The following DST variants were observed in gnomAD, a reference collection of about 807,000 sequenced individuals.
The protein encoded by DST is bullous pemphigoid antigen.
DST carries 253 observed loss-of-function variants against 875.2 expected under a neutral mutation model. The observed-to-expected ratio is 0.29, with a 90% confidence interval of 0.26 to 0.32. The LOEUF (loss-of-function observed/expected upper bound fraction) is 0.32, where lower values mean the gene tolerates loss of function less well. Among genes scored for constraint, DST ranks in the 10% least tolerant of loss-of-function variants. The pLI, the probability that DST is intolerant of heterozygous loss-of-function variation, is 1.00. For missense variants in DST, 8,287 were observed against 9,111.6 expected, an observed-to-expected ratio of 0.91 and a Z score of 3.68; for synonymous variants, 3,124 against 3,197.1, an observed-to-expected ratio of 0.98 and a Z score of 0.77.
At position 56,609,248 on chromosome 6, in the gene DST, C is replaced by T. The variant is rs754418207; in HGVS notation, c.5380G>A (p.Gly1794Arg). The T allele has an allele frequency of 2.5e-6, 4 of 1,613,546 alleles. No individual in the cohort carries two copies. The African/African-American group carries it at 4.0e-5, about 16-fold the overall frequency. ...AGCTGTGTCTCAAGCAACCTAATTCCTGTGTCATAGTCAATGAGGCCTCTT... is the reference window on the plus strand; with the variant it reads ...AGCTGTGTCTCAAGCAACCTAATTCTTGTGTCATAGTCAATGAGGCCTCTT... The part of the protein sequence containing the change: ...VLRGLIDYDT[G>R]IRLLETQLMI... Residue 1794 changes from glycine (G) to arginine (R), a missense_variant, in exon 40 of 104, where the codon GGA becomes AGA. By Grantham distance (125) the Gly-to-Arg change is moderately radical. Coordinates refer to ENST00000680361, the MANE Select transcript of DST (RefSeq NM_001374736.1).
chr6:56,496,961 CAAT>C (rs2095932082), intron 82 of DST, among the ~76,000 whole-genome samples: 1 of 151,598 alleles, frequency 6.6e-6, no homozygotes, highest in Admixed American at 6.6e-5. Flanking sequence ...GGGAACTGAA[CAAT>C]GAGAACACAT....
chr6:56,917,039 C>T (rs368566185), intron 2 of DST, among the ~76,000 whole-genome samples: 7 of 138,080 alleles, frequency 5.1e-5, no homozygotes, highest in East Asian at 4.5e-4. Flanking sequence ...GCTCCTAACA[C>T]ACACTGCTCG....
chr6:56,882,824 A>C (rs1390251590), intron 3 of DST, among the ~76,000 whole-genome samples: 1 of 152,186 alleles, frequency 6.6e-6, no homozygotes, highest in Non-Finnish European at 1.5e-5. Context: ...CTATCGTTTA[A>C]ATTTCAGCAA....
At chr6:56,740,815 G>C (rs2099544145) in intron 4 of DST, among the ~76,000 whole-genome samples, 1 of 151,768 alleles carries the variant, frequency 6.6e-6, no homozygotes, top group Non-Finnish European at 1.5e-5. Context: ...AGAAAACAGA[G>C]TAAATGAAAA....
chr6:56,843,861 G>A (rs1429881548), intron 4 of DST: 1 of 222,820 alleles, frequency 4.5e-6, no homozygotes, highest in Non-Finnish European at 7.6e-6. Context: ...GCAGAGCCAC[G>A]CGCCCCAGGC....
chr6:56,573,643 A>T, intron 51 of DST, 36 bp downstream of exon 51: 1 of 1,539,244 alleles, frequency 6.5e-7, no homozygotes, highest in Admixed American at 1.8e-5. Flanking sequence ...TTTTTTTAAA[A>T]AACTGAAAAT....
intron 16 of DST, 141 bp downstream of exon 16, chr6:56,642,269 C>A: frequency 1.2e-6 from 1 of 860,460 alleles, no homozygotes; most frequent in South Asian, 1.4e-5. Context: ...GAGCAAACAC[C>A]AATCATAATC....
At chr6:56,649,852 G>A (rs758662924) in intron 12 of DST, among the ~76,000 whole-genome samples, 2 of 152,226 alleles carry the variant, frequency 1.3e-5, no homozygotes, top group Non-Finnish European at 2.9e-5. Flanking sequence ...TGCCGAGGCA[G>A]TGGGAAGAAG....
intron 3 of DST, among the ~76,000 whole-genome samples, chr6:56,882,770 A>G (rs1782810856): frequency 6.6e-6 from 1 of 152,268 alleles, no homozygotes; most frequent in Non-Finnish European, 1.5e-5. Context: ...AAATCATACT[A>G]AAATGGAAGA....
At chr6:56,786,627 G>A (rs2099706110) in intron 4 of DST, among the ~76,000 whole-genome samples, 2 of 152,120 alleles carry the variant, frequency 1.3e-5, no homozygotes, top group African/African-American at 4.8e-5. Context: ...CTGCCTCCTG[G>A]GTTCAAGTGA....
chr6:56,718,957 T>A (rs1167782192), intron 5 of DST, among the ~76,000 whole-genome samples: 1 of 152,216 alleles, frequency 6.6e-6, no homozygotes. Flanking sequence ...AGGAAAATAT[T>A]CTAAAATTAG....
intron 4 of DST, among the ~76,000 whole-genome samples, chr6:56,848,285 G>T (rs1424329636): frequency 2.0e-5 from 3 of 152,132 alleles, no homozygotes; most frequent in Non-Finnish European, 4.4e-5. Context: ...TAGTCTTTTT[G>T]ACTCAATAGA....
chr6:56,948,450 G>C (rs1820763597), intron 2 of DST, among the ~76,000 whole-genome samples: 1 of 152,170 alleles, frequency 6.6e-6, no homozygotes. Context: ...TAGACTAAGG[G>C]ATGATTCACA....
intron 10 of DST, among the ~76,000 whole-genome samples, chr6:56,655,316 CTAAT>C (rs1207287900): frequency 6.6e-6 from 1 of 151,992 alleles, no homozygotes; most frequent in African/African-American, 2.4e-5. Flanking sequence ...AGAGAGGACA[CTAAT>C]TAAAGTTAAC....
At chr6:56,476,047 G>A (rs2095174527) in intron 92 of DST, 102 bp downstream of exon 92, 2 of 1,086,664 alleles carry the variant, frequency 1.8e-6, no homozygotes, top group East Asian at 2.7e-5. Flanking sequence ...CTGAAGAAGT[G>A]AAAATAACGA....
intron 4 of DST, among the ~76,000 whole-genome samples, chr6:56,824,794 G>T (rs1420881915): frequency 6.6e-6 from 1 of 151,994 alleles, no homozygotes; most frequent in Non-Finnish European, 1.5e-5. Flanking sequence ...GAGAAGTGAG[G>T]AGCCCCTCCG....
chr6:56,748,367 T>C (rs1208051636), intron 4 of DST, among the ~76,000 whole-genome samples: 1 of 152,154 alleles, frequency 6.6e-6, no homozygotes, highest in Non-Finnish European at 1.5e-5. Flanking sequence ...AATATTAGCA[T>C]CAAAACTGGC....
At chr6:56,877,743 C>T (rs76945574) in intron 3 of DST, among the ~76,000 whole-genome samples, 3,664 of 152,202 alleles carry the variant, frequency 0.024, 140 homozygotes, top group East Asian at 0.18. Context: ...GCCACTATCC[C>T]CCAGTCCTAA....
chr6:56,646,134 T>G lies in DST; in HGVS notation c.1603A>C (p.Lys535Gln). ...LQFKETEIPP[K>Q]ETEKSKIKRL... is the part of the protein sequence containing the mutation. ...TTAATTTTTGATTTTTCTGTCTCCT[T>G]TGGTGGAATTTCTGTTTCTTTAAAC... The change falls in exon 14 of 104, where the codon AAG (lysine) becomes CAG (glutamine). Residue 535 changes from lysine to glutamine, a missense_variant. Around this residue, in one of 10 missense-constraint regions of DST, gnomAD observed 1,160 missense variants for 1,424.3 expected, o/e 0.81. Transcript: ENST00000680361. 1 of 1,537,002 alleles carries G rather than the reference T, an allele frequency of 6.5e-7. No individual in the cohort carries two copies. Among genetic ancestry groups the G allele is most frequent in the Non-Finnish European group, 8.8e-7 (1 of 1,131,568 alleles).
Sources: gnomAD v4.1 joint callset for allele counts (sites outside exome capture counted in the v4.1 genomes callset) on GRCh38, gnomAD v4.1.1 for gene constraint, gnomAD v4.1.1 regional missense constraint, MANE v1.5 for transcripts, NCBI Gene and HGNC (gene_info 2026-07-23, HGNC 2026-07-21) for gene names.